The following NAA30 variants were observed in gnomAD, a reference collection of about 807,000 sequenced individuals.
NAA30 encodes N-alpha-acetyltransferase 30, NatC catalytic subunit.
In NAA30, 5 loss-of-function variants were observed where a neutral mutation model predicts 31.4. That is an observed-to-expected ratio of 0.16 (90% CI 0.08 to 0.33). NAA30 has a LOEUF of 0.33. Among genes scored for constraint, NAA30 ranks in the 10% least tolerant of loss-of-function variants. NAA30 has a pLI of 1.00. For missense variants in NAA30, 428 were observed against 490.8 expected (o/e 0.87, Z 1.21); for synonymous variants, 222 against 207.1 (o/e 1.07, Z -0.62).
At chr14:57,405,389 G>C (rs1174926174) in intron 4 of NAA30, among the ~76,000 whole-genome samples, 1 of 147,810 alleles carries the variant, frequency 6.8e-6, no homozygotes, top group Non-Finnish European at 1.5e-5. Flanking sequence ...TATTTATTGT[G>C]TTTATTATGT....
At chr14:57,396,172 GC>G (rs1350381085) in intron 2 of NAA30, among the ~76,000 whole-genome samples, 2 of 152,068 alleles carry the variant, frequency 1.3e-5, no homozygotes, top group African/African-American at 4.8e-5. Context: ...ACAGGGTTTT[GC>G]CATGTTGCCC....
Position 57,399,816 on chromosome 14 carries a change from T to C in NAA30, c.896-12T>C. On this transcript the variant is annotated splice_polypyrimidine_tract_variant and intron_variant, in intron 3 of 4. Coordinates refer to ENST00000556492, the MANE Select transcript of NAA30 (RefSeq NM_001011713.3). Reference sequence around the variant, plus strand: ...CATTTTTCCTTCATTAATACTCAGATCTATATTCTAGGTACTAACTTGGTT... The same window carrying C: ...CATTTTTCCTTCATTAATACTCAGACCTATATTCTAGGTACTAACTTGGTT... The C allele has an allele frequency of 7.2e-7, 1 of 1,387,322 alleles. No individual in the cohort carries two copies. The allele number at this position is 1,387,322 out of a possible 1,614,324, so 85.9% of individuals were successfully genotyped here. A position where few individuals can be genotyped will look rare whatever the true frequency, so the allele number is the denominator to read the frequency against.
chr14:57,391,934 G>C lies in NAA30; in HGVS notation c.771+206G>C, dbSNP rs2066429906. On this transcript the variant is annotated intron_variant, in intron 2 of 4. Transcript: ENST00000556492. The surrounding 1 kb of genome is among the most constrained non-coding windows in gnomAD (Gnocchi z 4.1). ...CATGATTCGGGTTAACGTGATACTA[G>C]TGTAACTGCAGCAAGCCTGTATGGT... 6.6e-6 allele frequency among the ~76,000 whole-genome samples: 1 copy of C among 152,230 alleles called. No homozygotes were observed. Among genetic ancestry groups the C allele is most frequent in the Admixed American group, 6.5e-5 (1 of 15,286 alleles).
chr14:57,405,041 G>A (rs539585694), intron 4 of NAA30, among the ~76,000 whole-genome samples: 1 of 152,140 alleles, frequency 6.6e-6, no homozygotes, highest in Non-Finnish European at 1.5e-5. Flanking sequence ...GCGGCAGACT[G>A]TTTACAATCT....
In NAA30 at chr14:57,391,049, C is replaced by A. The variant is rs746433298; in HGVS notation, c.92C>A (p.Ala31Glu). 1 of 1,511,554 alleles carries A rather than the reference C, an allele frequency of 6.6e-7. No individual in the cohort carries two copies. Among genetic ancestry groups the A allele is most frequent in the Admixed American group, 2.3e-5 (1 of 42,638 alleles). The allele number at this position is 1,511,554 out of a possible 1,614,324, so 93.6% of individuals were successfully genotyped here. Residue 31 changes from alanine to glutamate, a missense_variant, in exon 2 of 5, where the codon GCG (alanine) becomes GAG (glutamate). Ala to Glu is a moderately radical substitution (Grantham distance 107). Coordinates refer to ENST00000556492, the MANE Select transcript of NAA30 (RefSeq NM_001011713.3). This position sits in a 1 kb window ranked among gnomAD's most constrained non-coding sequence, Gnocchi z 4.1. ...AAVEPRCPFP[A>E]GAALACCSED... Reference sequence around the variant, plus strand: ...GTCGAGCCCCGCTGTCCCTTCCCGGCGGGGGCCGCCCTCGCCTGCTGCAGC... The same window carrying A: ...GTCGAGCCCCGCTGTCCCTTCCCGGAGGGGGCCGCCCTCGCCTGCTGCAGC...
Position 57,390,646 on chromosome 14 carries a change from A to AGGCGGC in NAA30, c.-55_-50dup. The AGGCGGC allele has an allele frequency of 2.8e-6, 1 of 360,068 alleles. No homozygotes were observed. The highest frequency in any genetic ancestry group is 7.3e-4 in the Middle Eastern group (1 of 1,372). The allele number at this position is 360,068 out of a possible 1,614,324, so 22.3% of individuals were successfully genotyped here. A position where few individuals can be genotyped will look rare whatever the true frequency, so the allele number is the denominator to read the frequency against. ...GTGGAGGCTGCCGCGGCTGCGAAGGAGGCGGCGGCGGTGGCGGAGGAAGAG... is the reference window on the plus strand; with the variant it reads ...GTGGAGGCTGCCGCGGCTGCGAAGGAGGCGGCGGCGGCGGCGGTGGCGGAGGAAGAG... On this transcript the variant is annotated 5_prime_UTR_variant, in exon 1 of 5. Transcript: ENST00000556492.
intron 3 of NAA30, among the ~76,000 whole-genome samples, chr14:57,399,116 G>C (rs888104545): frequency 2.0e-5 from 3 of 152,128 alleles, no homozygotes; most frequent in Non-Finnish European, 4.4e-5. Flanking sequence ...ACCTGCCTTG[G>C]CTTCCCAAAG....
chr14:57,394,431 A>G (rs2066442432), intron 2 of NAA30, among the ~76,000 whole-genome samples: 2 of 152,074 alleles, frequency 1.3e-5, no homozygotes, highest in African/African-American at 4.8e-5. Context: ...TTCAGTTCCC[A>G]TCCTTGAAAA....
intron 4 of NAA30, among the ~76,000 whole-genome samples, chr14:57,405,684 T>C (rs2066495686): frequency 6.6e-6 from 1 of 152,178 alleles, no homozygotes; most frequent in African/African-American, 2.4e-5. Context: ...AATTCTGATC[T>C]TAAAGATACG....
At position 57,391,799 on chromosome 14, in the gene NAA30, C is replaced by G. The variant is rs1322472192; in HGVS notation, c.771+71C>G. The G allele has an allele frequency of 5.5e-6, 7 of 1,273,864 alleles. No individual in the cohort carries two copies. The African/African-American group carries it at 1.0e-4, about 19-fold the overall frequency. The allele number at this position is 1,273,864 out of a possible 1,614,324, so 78.9% of individuals were successfully genotyped here. A position where few individuals can be genotyped will look rare whatever the true frequency, so the allele number is the denominator to read the frequency against. ...ACTGTGCGGGGCAGGGAGTGAGGGC[C>G]CAGAATGTGGCAGTGGATATCTCCT... On this transcript the variant is annotated intron_variant, in intron 2 of 4. Coordinates refer to ENST00000556492, the MANE Select transcript of NAA30 (RefSeq NM_001011713.3). The surrounding 1 kb of genome is among the most constrained non-coding windows in gnomAD (Gnocchi z 4.1).
intron 4 of NAA30, among the ~76,000 whole-genome samples, chr14:57,406,783 A>G (rs1277899588): frequency 1.3e-5 from 2 of 152,326 alleles, no homozygotes; most frequent in East Asian, 1.9e-4. Context: ...GAATTACCCA[A>G]GAGAATTGTT....
In NAA30 at chr14:57,403,293, A is replaced by G. The variant is rs544262320; in HGVS notation, c.951+3410A>G. Among the ~76,000 whole-genome samples the G allele has an allele frequency of 3.3e-5, 5 of 150,776 alleles. No homozygotes were observed. The East Asian group carries it at 7.8e-4, about 23-fold the overall frequency. On this transcript the variant is annotated intron_variant, in intron 4 of 4. Transcript: ENST00000556492. ...CTGTGAAACCTTACTGTGCACATCA[A>G]ACAATTTTTACTTTCTATTCTGTAT...
At chr14:57,402,661 A>C (rs1461403345) in intron 4 of NAA30, among the ~76,000 whole-genome samples, 3 of 152,238 alleles carry the variant, frequency 2.0e-5, no homozygotes, top group African/African-American at 7.2e-5. Flanking sequence ...AATCTCCAAA[A>C]ATACAGCGAT....
At position 57,398,435 on chromosome 14, in the gene NAA30, C is replaced by T. The variant is rs202047314; in HGVS notation, c.896-1393C>T. ...AATGCGTGCATACTTGTATGCATGG[C>T]TTGAAAATTAAGAGTTTTTAATTTA... On this transcript the variant is annotated intron_variant, in intron 3 of 4. Coordinates refer to ENST00000556492, the MANE Select transcript of NAA30 (RefSeq NM_001011713.3). Among the ~76,000 whole-genome samples the T allele has an allele frequency of 5.3e-5, 8 of 151,976 alleles. No homozygotes were observed. The East Asian group carries it at 1.5e-3, about 29-fold the overall frequency.
chr14:57,401,016 A>T (rs1038375121), intron 4 of NAA30, among the ~76,000 whole-genome samples: 1 of 152,040 alleles, frequency 6.6e-6, no homozygotes, highest in African/African-American at 2.4e-5. Context: ...GATTACAGGC[A>T]TGAGCCGTTG....
chr14:57,405,438 A>AT (rs2139765159), intron 4 of NAA30, among the ~76,000 whole-genome samples: 5 of 131,906 alleles, frequency 3.8e-5, no homozygotes, highest in African/African-American at 7.9e-5. Context: ...TATATATATA[A>AT]AACATCTTTA....
In NAA30 at chr14:57,411,878, T is replaced by C. The variant is rs540012209; in HGVS notation, c.*2362T>C. 7.2e-5 allele frequency: 11 copies of C among 152,288 alleles called. No homozygotes were observed. In the South Asian group the frequency reaches 2.3e-3, roughly 32 times the overall value. 9.4% of individuals were successfully genotyped at this position (152,288 alleles called of 1,614,324 possible). A position where few individuals can be genotyped will look rare whatever the true frequency, so the allele number is the denominator to read the frequency against. On this transcript the variant is annotated 3_prime_UTR_variant, in exon 5 of 5. Coordinates refer to ENST00000556492, the MANE Select transcript of NAA30 (RefSeq NM_001011713.3). ...TTTTGATAATAGGCTGTTGTTTTTC[T>C]TAAATAAGCTTAAAACAATTCTATC...
At chr14:57,398,127 C>T (rs907254866) in intron 3 of NAA30, among the ~76,000 whole-genome samples, 1 of 152,156 alleles carries the variant, frequency 6.6e-6, no homozygotes, top group African/African-American at 2.4e-5. Flanking sequence ...ATTGTCCAAC[C>T]TAAGACTCAC....
In NAA30 at chr14:57,391,164, T is replaced by A. The variant is rs958715931; in HGVS notation, c.207T>A (p.His69Gln). The change falls in exon 2 of 5, where the codon CAT (histidine) becomes CAA (glutamine). Residue 69 changes from histidine to glutamine, a missense_variant. Around this residue, in one of 2 missense-constraint regions of NAA30, gnomAD observed 349 missense variants for 310.4 expected, o/e 1.12. Coordinates refer to ENST00000556492, the MANE Select transcript of NAA30 (RefSeq NM_001011713.3). This position sits in a 1 kb window ranked among gnomAD's most constrained non-coding sequence, Gnocchi z 4.1. Reference sequence around the variant, plus strand: ...CGGCGACGGTGGCGGCCAAGGGGCATCCGTGCCTCCGCTGCCCTCAGCCGC... The same window carrying A: ...CGGCGACGGTGGCGGCCAAGGGGCAACCGTGCCTCCGCTGCCCTCAGCCGC... ...GESATVAAKGHPCLRCPQPPQ... is the reference protein window; with the variant it reads ...GESATVAAKGQPCLRCPQPPQ... The A allele has an allele frequency of 6.2e-7, 1 of 1,607,436 alleles. No homozygotes were observed. Among genetic ancestry groups the A allele is most frequent in the Non-Finnish European group, 8.5e-7 (1 of 1,178,504 alleles).
Sources: gnomAD v4.1 joint callset for allele counts (sites outside exome capture counted in the v4.1 genomes callset) on GRCh38, gnomAD v4.1.1 for gene constraint, gnomAD v4.1.1 regional missense constraint, Gnocchi (gnomAD v3.1) non-coding constraint, MANE v1.5 for transcripts, NCBI Gene and HGNC (gene_info 2026-07-23, HGNC 2026-07-21) for gene names.